Variants in PCDHA3 observed in about 807,000 individuals in gnomAD.
PCDHA3 encodes the protein protocadherin alpha-3.
Under a neutral mutation model 62.2 loss-of-function variants are expected in PCDHA3, and 41 were observed. The observed-to-expected ratio is 0.66, with a 90% CI of 0.51 to 0.86. PCDHA3 has a LOEUF of 0.86. Ranked by LOEUF, PCDHA3 falls within the 40% of genes least tolerant of loss-of-function variation. The pLI is 0.00. For missense variants in PCDHA3, 1,304 were observed against 1,241.2 expected (o/e 1.05, Z -0.76); for synonymous variants, 640 against 555.4 (o/e 1.15, Z -2.14).
At chr5:140,830,405 T>C (rs1771047305) in intron 1 of PCDHA3, 3 of 1,614,172 alleles carry the variant, frequency 1.9e-6, no homozygotes, top group Non-Finnish European at 2.5e-6. Context: ...TCTCATGGCC[T>C]TTAGCCCCAG....
At chr5:140,947,153 C>T (rs1306730368) in intron 1 of PCDHA3, among the ~76,000 whole-genome samples, 4 of 150,836 alleles carry the variant, frequency 2.7e-5, no homozygotes, top group African/African-American at 4.9e-5. Context: ...GTTACTTCCA[C>T]GGGGTAGAAA....
Position 140,856,989 on chromosome 5 carries a change from C to T in PCDHA3, c.2394+53398C>T. 3.1e-6 allele frequency: 5 copies of T among 1,595,206 alleles called. 1 individual carries two copies. The highest frequency in any genetic ancestry group is 1.1e-5 in the South Asian group (1 of 90,500). ...GCTATTGACTTTGAGGACAGTAACA[C>T]TTATGAAATTCATGTAGATGTTACA... is the stretch of plus-strand genomic sequence containing the variant. On this transcript the variant is annotated intron_variant, in intron 1 of 3. Transcript: ENST00000522353.
At chr5:140,989,321 C>T (rs898791820) in intron 3 of PCDHA3, among the ~76,000 whole-genome samples, 2 of 152,296 alleles carry the variant, frequency 1.3e-5, no homozygotes, top group Non-Finnish European at 1.5e-5. Context: ...GTCTCACCAA[C>T]TTTGCCACCT....
At chr5:140,878,837 A>G (rs6885420) in intron 1 of PCDHA3, among the ~76,000 whole-genome samples, 4 of 152,334 alleles carry the variant, frequency 2.6e-5, no homozygotes, top group Admixed American at 2.6e-4. Context: ...AGGCTGGACT[A>G]GAACTTCTGG....
At chr5:140,848,644 A>G in intron 1 of PCDHA3, 2 of 1,593,184 alleles carry the variant, frequency 1.3e-6, no homozygotes, top group South Asian at 2.2e-5. Context: ...CGCATCGCGC[A>G]GGACCTGGGG....
chr5:140,872,015 G>T (rs1322069149), intron 1 of PCDHA3, among the ~76,000 whole-genome samples: 3 of 152,208 alleles, frequency 2.0e-5, no homozygotes, highest in Non-Finnish European at 4.4e-5. Flanking sequence ...GTGACCTGTA[G>T]CCTGGAACTG....
chr5:140,910,519 G>A (rs187918127), intron 1 of PCDHA3, among the ~76,000 whole-genome samples: 18 of 152,218 alleles, frequency 1.2e-4, no homozygotes, highest in Non-Finnish European at 2.5e-4. Context: ...AAGGATGCAG[G>A]TACTCCCCTC....
At chr5:140,863,357 G>GCCAAGCACCGCAGC in intron 1 of PCDHA3, 1 of 1,259,532 alleles carries the variant, frequency 7.9e-7, no homozygotes, top group Non-Finnish European at 1.1e-6. Flanking sequence ...ACGACGCTGC[G>GCCAAGCACCGCAGC]GTGCTTGGCG....
intron 1 of PCDHA3, among the ~76,000 whole-genome samples, chr5:140,926,128 C>CGCAGCAGGATCCAGCGCGGAAAGCTCT (rs1157627097): frequency 6.6e-6 from 1 of 152,162 alleles, no homozygotes; most frequent in Non-Finnish European, 1.5e-5. Context: ...GACTTCAACC[C>CGCAGCAGGATCCAGCGCGGAAAGCTCT]GCAGCAGGAT....
chr5:140,825,122 C>T (rs1554130144), intron 1 of PCDHA3: 1 of 151,522 alleles, frequency 6.6e-6, no homozygotes, highest in African/African-American at 2.4e-5. Context: ...ACTTCCCTAC[C>T]CCCTTAAAAA....
intron 1 of PCDHA3, chr5:140,868,232 C>T (rs1176693366): frequency 6.6e-6 from 1 of 152,032 alleles, no homozygotes; most frequent in Non-Finnish European, 1.5e-5. Flanking sequence ...AAAAACTCAT[C>T]TAGATCAATA....
chr5:140,921,779 T>C (rs1584242105), intron 1 of PCDHA3, among the ~76,000 whole-genome samples: 2 of 152,246 alleles, frequency 1.3e-5, no homozygotes, highest in East Asian at 3.9e-4. Context: ...AATACTGACT[T>C]GGATGTTCTA....
chr5:140,876,791 G>C lies in PCDHA3; in HGVS notation c.2394+73200G>C, dbSNP rs782617794. 4.3e-6 allele frequency: 7 copies of C among 1,614,242 alleles called. No homozygotes were observed. The Admixed American group carries it at 1.2e-4, about 27-fold the overall frequency. On this transcript the variant is annotated intron_variant, in intron 1 of 3. Coordinates refer to ENST00000522353, the MANE Select transcript of PCDHA3 (RefSeq NM_018906.3). ...TCGCCTTCGCTGTGGGCCACGGCTA[G>C]AGTGTCCGTGGAGGTGGCCGACGTG...
At chr5:140,890,752 G>A (rs2062783323) in intron 1 of PCDHA3, among the ~76,000 whole-genome samples, 1 of 151,990 alleles carries the variant, frequency 6.6e-6, no homozygotes, top group East Asian at 1.9e-4. Context: ...TTTCTGTCAT[G>A]CTTTAAAAAT....
At chr5:140,901,278 A>AT (rs1554189713) in intron 1 of PCDHA3, among the ~76,000 whole-genome samples, 2 of 152,102 alleles carry the variant, frequency 1.3e-5, no homozygotes, top group Non-Finnish European at 2.9e-5. Context: ...TACTCAAGAA[A>AT]TTTTTGCCCA....
chr5:140,834,478 A>G (rs1554134254), intron 1 of PCDHA3: 1 of 1,614,162 alleles, frequency 6.2e-7, no homozygotes, highest in East Asian at 2.2e-5. Context: ...GGCCAGCTCC[A>G]CTACTCGGTC....
In PCDHA3 at chr5:140,803,363, G is replaced by A; in HGVS notation, c.2166G>A (p.Arg722=). 2 of 1,614,200 alleles carry A rather than the reference G, an allele frequency of 1.2e-6. No homozygotes were observed. Among genetic ancestry groups the A allele is most frequent in the Non-Finnish European group, 1.7e-6 (2 of 1,180,020 alleles). Residue 722 remains arginine, a synonymous_variant, in exon 1 of 4, where the codon CGG becomes CGA. Transcript: ENST00000522353. ...CACTGCTGCTATATACTGCTCTGCG[G>A]TGCTCCGCGCCGCCAACCGAAGGCG... ...VLTLLLYTAL[R]CSAPPTEGDC... is the part of the protein sequence containing the mutation.
At chr5:140,807,404 G>C (rs201303975) in intron 1 of PCDHA3, 1 of 736,864 alleles carries the variant, frequency 1.4e-6, no homozygotes, top group Non-Finnish European at 1.8e-6. Flanking sequence ...GGGCCGCGGA[G>C]GCCTTCTGGA....
chr5:140,964,939 T>C (rs1230992301), intron 1 of PCDHA3, among the ~76,000 whole-genome samples: 1 of 152,182 alleles, frequency 6.6e-6, no homozygotes, highest in Non-Finnish European at 1.5e-5. Flanking sequence ...GGAGCATTGA[T>C]AGTGAGTGTG....
Sources: allele counts gnomAD v4.1 joint callset (sites outside exome capture counted in the v4.1 genomes callset), GRCh38; gene constraint gnomAD v4.1.1; transcripts MANE v1.5; gene names NCBI Gene and HGNC (gene_info 2026-07-23, HGNC 2026-07-21).